Variants in FRK observed in about 807,000 individuals in gnomAD.
FRK encodes fyn related Src family tyrosine kinase, also known as tyrosine-protein kinase FRK.
FRK carries 51 observed loss-of-function variants against 56.4 expected under a neutral mutation model. The ratio of observed to expected loss-of-function variants is 0.90; its 90% CI spans 0.72 to 1.14. FRK has a LOEUF of 1.14. Ranked by LOEUF, FRK falls within the 50% of genes most tolerant of loss-of-function variation. The pLI is 0.00. For synonymous variants in FRK, 245 were observed against 217.9 expected, an observed-to-expected ratio of 1.12 and a Z score of -1.10; for missense variants, 570 against 601.4, an observed-to-expected ratio of 0.95 and a Z score of 0.55.
At chr6:116,021,892 T>G (rs919734625) in intron 1 of FRK, among the ~76,000 whole-genome samples, 8 of 151,988 alleles carry the variant, frequency 5.3e-5, no homozygotes, top group African/African-American at 1.9e-4. Context: ...AGACAAAAAT[T>G]GATATTTTTG....
At chr6:116,052,577 G>A (rs1777220899) in intron 1 of FRK, among the ~76,000 whole-genome samples, 1 of 152,046 alleles carries the variant, frequency 6.6e-6, no homozygotes, top group South Asian at 2.1e-4. Flanking sequence ...TAAAGACAAA[G>A]GGTGCTAACA....
At chr6:115,943,296 A>C in intron 6 of FRK, 111 bp from the exon 7 acceptor site, 1 of 748,392 alleles carries the variant, frequency 1.3e-6, no homozygotes, top group Non-Finnish European at 2.1e-6. Context: ...AAGATTCAAA[A>C]TGAGCTTAGT....
At chr6:115,991,176 T>C (rs1048772891) in intron 2 of FRK, among the ~76,000 whole-genome samples, 1 of 151,780 alleles carries the variant, frequency 6.6e-6, no homozygotes, top group African/African-American at 2.4e-5. Flanking sequence ...TTTGGAGAAA[T>C]CTTTCAGGTT....
the FRK span, among the ~76,000 whole-genome samples, chr6:116,083,463 G>A: frequency 6.6e-6 from 1 of 152,162 alleles, no homozygotes; most frequent in Non-Finnish European, 1.5e-5. Flanking sequence ...TCAGAGGAGG[G>A]GGGAAGCAGT....
At chr6:116,058,028 C>T (rs190491118) in intron 1 of FRK, among the ~76,000 whole-genome samples, 18 of 152,106 alleles carry the variant, frequency 1.2e-4, no homozygotes, top group Non-Finnish European at 2.4e-4. Flanking sequence ...TTGGTCATGG[C>T]AACCCCAGAG....
At chr6:115,978,876 A>T in intron 2 of FRK, among the ~76,000 whole-genome samples, 1 of 152,108 alleles carries the variant, frequency 6.6e-6, no homozygotes, top group East Asian at 1.9e-4. Flanking sequence ...ACACAGTGAG[A>T]CCTTATCTTT....
the FRK span, among the ~76,000 whole-genome samples, chr6:116,086,499 C>T: frequency 1.3e-5 from 2 of 152,058 alleles, no homozygotes; most frequent in African/African-American, 4.8e-5. Flanking sequence ...ATATAGTCTG[C>T]CCATCAGTTC....
chr6:115,947,721 T>C (rs1772526180), intron 5 of FRK, among the ~76,000 whole-genome samples: 1 of 152,168 alleles, frequency 6.6e-6, no homozygotes, highest in Non-Finnish European at 1.5e-5. Context: ...TATTAAGTCA[T>C]AGAGAGTTTT....
intron 2 of FRK, among the ~76,000 whole-genome samples, chr6:115,999,842 C>T (rs1774987284): frequency 1.3e-5 from 2 of 152,158 alleles, no homozygotes; most frequent in African/African-American, 4.8e-5. Context: ...ATAGCCTTCC[C>T]TCTGGCTAAT....
chr6:115,992,553 G>GA (rs928113515), intron 2 of FRK, among the ~76,000 whole-genome samples: 15 of 150,632 alleles, frequency 1.0e-4, no homozygotes, highest in Admixed American at 3.3e-4. Context: ...TTGAGGCCAG[G>GA]AAAAAAAACA....
intron 2 of FRK, among the ~76,000 whole-genome samples, chr6:115,986,566 ACACT>A (rs1291429751): frequency 6.6e-6 from 1 of 152,174 alleles, no homozygotes; most frequent in Admixed American, 6.6e-5. Context: ...CGGATGAGTA[ACACT>A]CTATCTAGCC....
chr6:116,021,564 T>C (rs1775874308), intron 1 of FRK, among the ~76,000 whole-genome samples: 1 of 152,132 alleles, frequency 6.6e-6, no homozygotes, highest in Non-Finnish European at 1.5e-5. Flanking sequence ...AAGGATTTTC[T>C]GCCTTATGAT....
the FRK span, among the ~76,000 whole-genome samples, chr6:116,079,811 A>C: frequency 6.6e-6 from 1 of 152,116 alleles, no homozygotes; most frequent in Non-Finnish European, 1.5e-5. Flanking sequence ...TCCTGAGTTC[A>C]AACAATTCTG....
At chr6:115,952,012 C>T (rs1772774589) in intron 5 of FRK, among the ~76,000 whole-genome samples, 1 of 151,962 alleles carries the variant, frequency 6.6e-6, no homozygotes, top group African/African-American at 2.4e-5. Context: ...TGTCCTTCGC[C>T]CACTTTTTGG....
intron 1 of FRK, among the ~76,000 whole-genome samples, chr6:116,005,472 A>T (rs1775214305): frequency 6.6e-6 from 1 of 152,204 alleles, no homozygotes; most frequent in Non-Finnish European, 1.5e-5. Flanking sequence ...TCAGGAATGA[A>T]CCCACTGGCA....
chr6:115,988,798 T>C (rs1294965869), intron 2 of FRK, among the ~76,000 whole-genome samples: 1 of 151,994 alleles, frequency 6.6e-6, no homozygotes, highest in African/African-American at 2.4e-5. Flanking sequence ...AGTAAATTTC[T>C]TACATATCTT....
chr6:115,950,060 AAC>A (rs1324274876), intron 5 of FRK, among the ~76,000 whole-genome samples: 1 of 152,202 alleles, frequency 6.6e-6, no homozygotes, highest in Non-Finnish European at 1.5e-5. Context: ...TAAACATAAG[AAC>A]TAAAACCATA....
At chr6:115,986,137 TCTC>T (rs1357240572) in intron 2 of FRK, among the ~76,000 whole-genome samples, 1 of 151,962 alleles carries the variant, frequency 6.6e-6, no homozygotes, top group African/African-American at 2.4e-5. Flanking sequence ...GCAACATTCT[TCTC>T]CATCCCACTT....
At chr6:115,969,341 C>T (rs1773712425) in intron 2 of FRK, among the ~76,000 whole-genome samples, 1 of 152,172 alleles carries the variant, frequency 6.6e-6, no homozygotes. Context: ...TAAAATGATG[C>T]AGTCCACACA....
Sources: allele counts gnomAD v4.1 joint callset (sites outside exome capture counted in the v4.1 genomes callset), GRCh38; gene constraint gnomAD v4.1.1; transcripts MANE v1.5; gene names NCBI Gene and HGNC (gene_info 2026-07-23, HGNC 2026-07-21).